CRB1: variants seen among roughly 807,000 people sequenced by gnomAD.
CRB1 encodes crumbs cell polarity complex component 1, also known as protein crumbs homolog 1.
A neutral mutation model predicts 120.0 loss-of-function variants in CRB1; 83 were observed. The ratio of observed to expected loss-of-function variants is 0.69; its 90% CI spans 0.58 to 0.83. The LOEUF is 0.83. Among genes scored for constraint, CRB1 ranks in the 40% least tolerant of loss-of-function variants. The pLI, the probability that CRB1 is intolerant of heterozygous loss-of-function variation, is 0.00. For missense variants in CRB1, 1,699 were observed against 1,687.6 expected, an observed-to-expected ratio of 1.01 and a Z score of -0.12; for synonymous variants, 625 against 612.5, an observed-to-expected ratio of 1.02 and a Z score of -0.30.
chr1:197,421,469 G>A lies in CRB1; in HGVS notation c.1641G>A (p.Gln547=), dbSNP rs564623773. 6.2e-7 allele frequency: 1 copy of A among 1,614,194 alleles called. No homozygotes were observed. Among genetic ancestry groups the A allele is most frequent in the African/African-American group, 1.3e-5 (1 of 75,052 alleles). ...GTGGCTACATTCACTTATCAATTCA[G>A]GTCAATAATCAGTCAAAGGTGCTTC... ...LLSGYIHLSI[Q]VNNQSKVLLF... is the part of the protein sequence containing the mutation. The change falls in exon 6 of 12, where the codon CAG becomes CAA. Residue 547 remains glutamine (Q), a synonymous_variant. Transcript: ENST00000367400.
chr1:197,263,870 CTT>C (rs927112693), upstream of CRB1, among the ~76,000 whole-genome samples: 11 of 151,900 alleles, frequency 7.2e-5, no homozygotes, highest in African/African-American at 2.2e-4. Flanking sequence ...ATTTTAATGA[CTT>C]TTTTTATTTT....
At chr1:197,315,987 AT>A (rs1657814182) in intron 1 of CRB1, among the ~76,000 whole-genome samples, 1 of 152,330 alleles carries the variant, frequency 6.6e-6, no homozygotes, top group East Asian at 1.9e-4. Flanking sequence ...ATTTTTGAAG[AT>A]TAGCCTTTTA....
At chr1:197,448,373 C>T (rs1314424544) in intron 11 of CRB1, among the ~76,000 whole-genome samples, 1 of 152,166 alleles carries the variant, frequency 6.6e-6, no homozygotes, top group Non-Finnish European at 1.5e-5. Context: ...GCCAGGAGTT[C>T]CACTGGTCTA....
the CRB1 span, among the ~76,000 whole-genome samples, chr1:197,243,212 T>C: frequency 6.6e-6 from 1 of 152,182 alleles, no homozygotes; most frequent in African/African-American, 2.4e-5. Flanking sequence ...TATTGTCGTT[T>C]GCTGACTTTT....
At chr1:197,462,857 T>C (rs1443625730) in intron 11 of CRB1, among the ~76,000 whole-genome samples, 1 of 151,156 alleles carries the variant, frequency 6.6e-6, no homozygotes, top group African/African-American at 2.4e-5. Context: ...TGTAATATGC[T>C]GAGCTCAGGC....
chr1:197,252,153 A>G, the CRB1 span, among the ~76,000 whole-genome samples: 53 of 152,092 alleles, frequency 3.5e-4, no homozygotes, highest in African/African-American at 1.2e-3. Context: ...CAATTGTAGT[A>G]TGAATGCAAT....
At chr1:197,359,508 G>A (rs1660664810) in intron 5 of CRB1, among the ~76,000 whole-genome samples, 1 of 152,074 alleles carries the variant, frequency 6.6e-6, no homozygotes, top group South Asian at 2.1e-4. Flanking sequence ...GATTGTTTCA[G>A]TTTTCGGCTA....
chr1:197,342,635 T>A (rs1659535822), intron 2 of CRB1, among the ~76,000 whole-genome samples: 1 of 152,200 alleles, frequency 6.6e-6, no homozygotes, highest in African/African-American at 2.4e-5. Context: ...CTCCCAGTAA[T>A]GTCATTTATA....
At chr1:197,305,294 T>A (rs948397097) in intron 1 of CRB1, among the ~76,000 whole-genome samples, 1 of 152,142 alleles carries the variant, frequency 6.6e-6, no homozygotes, top group African/African-American at 2.4e-5. Flanking sequence ...ATTATCCTTG[T>A]TGGTGTTGAG....
At chr1:197,234,142 CTTG>C in the CRB1 span, among the ~76,000 whole-genome samples, 1 of 152,166 alleles carries the variant, frequency 6.6e-6, no homozygotes, top group Non-Finnish European at 1.5e-5. Context: ...ATTTTTATTA[CTTG>C]TTGTAGTGGT....
At chr1:197,353,777 G>A (rs114928597) in intron 4 of CRB1, among the ~76,000 whole-genome samples, 2,439 of 146,304 alleles carry the variant, frequency 0.017, 80 homozygotes, top group African/African-American at 0.061. Context: ...CTGCACCCTG[G>A]GCTACAGAGT....
At chr1:197,290,103 A>C (rs1480668671) in intron 1 of CRB1, among the ~76,000 whole-genome samples, 1 of 151,424 alleles carries the variant, frequency 6.6e-6, no homozygotes, top group African/African-American at 2.4e-5. Context: ...TTTTATTTTG[A>C]GTCTTTCTTC....
intron 2 of CRB1, among the ~76,000 whole-genome samples, chr1:197,342,633 A>G (rs1659535659): frequency 6.6e-6 from 1 of 152,120 alleles, no homozygotes; most frequent in South Asian, 2.1e-4. Flanking sequence ...TACTCCCAGT[A>G]ATGTCATTTA....
chr1:197,222,341 C>A, the CRB1 span: 1 of 739,918 alleles, frequency 1.4e-6, no homozygotes, highest in Non-Finnish European at 2.5e-6. Context: ...GAATCCCAGA[C>A]GTGGCTGCAT....
In CRB1 at chr1:197,427,831, C is replaced by A. The variant is rs116471343; in HGVS notation, c.2506C>A (p.Pro836Thr). 1.6e-4 allele frequency: 266 copies of A among 1,613,966 alleles called. 1 individual carries two copies. In the African/African-American group the frequency reaches 3.3e-3, roughly 20 times the overall value. The change falls in exon 7 of 12, where the codon CCT (proline) becomes ACT (threonine). Residue 836 changes from proline to threonine, a missense_variant. Physicochemically the swap from Pro to Thr is conservative, Grantham distance 38 (BLOSUM62 -1). Transcript: ENST00000367400. ...AGATGTCATCTACATTGGTGGCCTACCTGACAAGCAAGAGACTGAACTTAA... is the reference window on the plus strand; with the variant it reads ...AGATGTCATCTACATTGGTGGCCTAACTGACAAGCAAGAGACTGAACTTAA... ...KGDVIYIGGL[P>T]DKQETELNGG...
At chr1:197,323,737 A>G (rs1209238729) in intron 1 of CRB1, among the ~76,000 whole-genome samples, 1 of 152,150 alleles carries the variant, frequency 6.6e-6, no homozygotes, top group Non-Finnish European at 1.5e-5. Flanking sequence ...GTAAATGTGT[A>G]TGATTGCAGC....
intron 2 of CRB1, among the ~76,000 whole-genome samples, chr1:197,330,796 C>A (rs1413228459): frequency 1.3e-5 from 2 of 152,000 alleles, no homozygotes; most frequent in South Asian, 2.1e-4. Flanking sequence ...TTTTGCACCC[C>A]CCCCCAAATG....
the CRB1 span, among the ~76,000 whole-genome samples, chr1:197,257,103 C>T: frequency 6.6e-6 from 1 of 152,062 alleles, no homozygotes; most frequent in East Asian, 1.9e-4. Flanking sequence ...AATGATGTAA[C>T]TCTCGGTCCA....
intron 11 of CRB1, among the ~76,000 whole-genome samples, chr1:197,451,442 A>C (rs577657701): frequency 1.7e-4 from 26 of 152,324 alleles, no homozygotes; most frequent in Non-Finnish European, 3.1e-4. Context: ...TAGATTTTTC[A>C]GGTCATTAAT....
Sources: gnomAD v4.1 joint callset for allele counts (sites outside exome capture counted in the v4.1 genomes callset) on GRCh38, gnomAD v4.1.1 for gene constraint, MANE v1.5 for transcripts, NCBI Gene and HGNC (gene_info 2026-07-23, HGNC 2026-07-21) for gene names.